The following SLC5A9 variants were observed in gnomAD, a reference collection of about 807,000 sequenced individuals.
The protein encoded by SLC5A9 is sodium/glucose cotransporter 4.
In SLC5A9, 59 loss-of-function variants were observed where a neutral mutation model predicts 70.9. The ratio of observed to expected loss-of-function variants is 0.83; its 90% CI spans 0.68 to 1.03. The LOEUF (loss-of-function observed/expected upper bound fraction) is 1.03, where lower values mean the gene tolerates loss of function less well. Ranked by LOEUF, SLC5A9 falls within the 50% of genes least tolerant of loss-of-function variation. The pLI is 0.00. For synonymous variants in SLC5A9, 340 were observed against 346.5 expected, an observed-to-expected ratio of 0.98 and a Z score of 0.21; for missense variants, 832 against 881.1, an observed-to-expected ratio of 0.94 and a Z score of 0.71.
Position 48,239,914 on chromosome 1 carries a change from G to T in SLC5A9, c.1677+377G>T, listed in dbSNP as rs1455228099. Among the ~76,000 whole-genome samples the T allele has an allele frequency of 1.3e-5, 2 of 152,200 alleles. No individual in the cohort carries two copies. Among genetic ancestry groups the T allele is most frequent in the African/African-American group, 4.8e-5 (2 of 41,446 alleles). On this transcript the variant is annotated intron_variant, in intron 12 of 13. Transcript: ENST00000438567. The surrounding 1 kb of genome is among the most constrained non-coding windows in gnomAD (Gnocchi z 4.2). Reference sequence around the variant, plus strand: ...GAGGGAGAGGCAGTCACCTCCTGGGGGCCCAGGGAGGGCACACTGATGAGG... The same window carrying T: ...GAGGGAGAGGCAGTCACCTCCTGGGTGCCCAGGGAGGGCACACTGATGAGG...
chr1:48,245,937 G>A (rs1264760691), intron 13 of SLC5A9, among the ~76,000 whole-genome samples: 10 of 151,396 alleles, frequency 6.6e-5, no homozygotes, highest in East Asian at 1.9e-4. Context: ...CTCCAGCCTG[G>A]GCAACAGAGT....
rs996580295 is a variant in SLC5A9 at position 48,237,938 on chromosome 1, C to T, written c.1461+91C>T. ...TGGTCTCTGTGACCTTGAGAAAATCCACTTCCCCTCTAGGCTTCCATTTTC... is the reference window on the plus strand; with the variant it reads ...TGGTCTCTGTGACCTTGAGAAAATCTACTTCCCCTCTAGGCTTCCATTTTC... On this transcript the variant is annotated intron_variant, in intron 11 of 13. Transcript: ENST00000438567. 4.5e-6 allele frequency: 6 copies of T among 1,346,882 alleles called. No homozygotes were observed. The African/African-American group carries it at 7.3e-5, about 16-fold the overall frequency. The allele number at this position is 1,346,882 out of a possible 1,614,324, so 83.4% of individuals were successfully genotyped here. A position where few individuals can be genotyped will look rare whatever the true frequency, so the allele number is the denominator to read the frequency against.
At chr1:48,223,230 A>G (rs1644097295) in intron 1 of SLC5A9, among the ~76,000 whole-genome samples, 1 of 152,030 alleles carries the variant, frequency 6.6e-6, no homozygotes, top group Non-Finnish European at 1.5e-5. Flanking sequence ...CAAGGCCCCC[A>G]ACTCTGAGAA....
Position 48,228,917 on chromosome 1 carries a change from C to A in SLC5A9, c.302C>A (p.Ala101Asp). The A allele has an allele frequency of 6.2e-7, 1 of 1,613,528 alleles. No individual in the cohort carries two copies. The highest frequency in any genetic ancestry group is 8.5e-7 in the Non-Finnish European group (1 of 1,180,000). Residue 101 changes from alanine to aspartate, a missense_variant, in exon 3 of 14, where the codon GCT (alanine) becomes GAT (aspartate). Coordinates refer to ENST00000438567, the MANE Select transcript of SLC5A9 (RefSeq NM_001011547.3). ...GLFIGLAGTG[A>D]AGGLAVGGFE... is the part of the protein sequence containing the mutation. ...TTCATCGGCCTGGCTGGGACAGGGG[C>A]TGCCGGAGGCCTTGCCGTAGGTGGC...
At chr1:48,246,016 G>A (rs541087247) in intron 13 of SLC5A9, among the ~76,000 whole-genome samples, 1 of 151,728 alleles carries the variant, frequency 6.6e-6, no homozygotes, top group Admixed American at 6.6e-5. Flanking sequence ...AATATTTAAA[G>A]GACAGCAGAG....
At position 48,248,192 on chromosome 1, in the gene SLC5A9, A is replaced by C. The variant is rs1644480457; in HGVS notation, c.*649A>C. 6.5e-6 allele frequency: 1 copy of C among 153,220 alleles called. No homozygotes were observed. 9.5% of individuals were successfully genotyped at this position (153,220 alleles called of 1,614,324 possible). ...CAATGGACTATCCAAAGCACTATTT[A>C]AATTCTGCCTCTTCCTACTCTCTAA... is the stretch of plus-strand genomic sequence containing the variant. On this transcript the variant is annotated 3_prime_UTR_variant, in exon 14 of 14. Transcript: ENST00000438567.
Position 48,230,723 on chromosome 1 carries a change from G to T in SLC5A9, c.610+18G>T. Reference sequence around the variant, plus strand: ...CATTGCAGGTAGGCAGAGGGAAGAGGGCAAGAGGAAAGCTTCTGACTGGCA... The same window carrying T: ...CATTGCAGGTAGGCAGAGGGAAGAGTGCAAGAGGAAAGCTTCTGACTGGCA... On this transcript the variant is annotated intron_variant, in intron 5 of 13. Coordinates refer to ENST00000438567, the MANE Select transcript of SLC5A9 (RefSeq NM_001011547.3). 1.3e-6 allele frequency: 2 copies of T among 1,588,898 alleles called. No homozygotes were observed. Among genetic ancestry groups the T allele is most frequent in the South Asian group, 1.1e-5 (1 of 90,460 alleles).
At chr1:48,229,051 G>A (rs1229835828) in intron 3 of SLC5A9, 97 bp downstream of exon 3, 7 of 1,613,778 alleles carry the variant, frequency 4.3e-6, no homozygotes, top group African/African-American at 1.3e-5. Context: ...ATGCCTGGGA[G>A]GCTACATGGT....
Position 48,232,355 on chromosome 1 carries a change from C to A in SLC5A9, c.898-12C>A. On this transcript the variant is annotated splice_polypyrimidine_tract_variant and intron_variant, in intron 7 of 13. Transcript: ENST00000438567. ...CTACCTGCGCTGCACTCCTCATTTG[C>A]TGCCCTTTCAGGTCATTGTGCAGCG... 6.2e-7 allele frequency: 1 copy of A among 1,613,828 alleles called. No individual in the cohort carries two copies.
chr1:48,235,621 T>A, intron 9 of SLC5A9, 108 bp from the exon 10 acceptor site: 1 of 1,349,644 alleles, frequency 7.4e-7, no homozygotes, highest in South Asian at 1.4e-5. Flanking sequence ...CCCTCTCTCA[T>A]CCCCACCCCC....
chr1:48,233,247 GC>G (rs1034277622), intron 8 of SLC5A9, among the ~76,000 whole-genome samples: 3 of 150,346 alleles, frequency 2.0e-5, no homozygotes, highest in Admixed American at 1.3e-4. Context: ...TGTAATCCCA[GC>G]TATTCAGGAG....
Position 48,237,836 on chromosome 1 carries a change from G to T in SLC5A9, c.1450G>T (p.Val484Phe). The change falls in exon 11 of 14, where the codon GTC becomes TTC. Residue 484 changes from valine to phenylalanine, a missense_variant. Physicochemically the swap from Val to Phe is conservative, Grantham distance 50. Coordinates refer to ENST00000438567, the MANE Select transcript of SLC5A9 (RefSeq NM_001011547.3). ...CCTGCTGGCCATCTTCTGCAAGAGG[G>T]TCACAGAGCCCGTGAGTGCAGTGTA... ...LFLLAIFCKRVTEPGAFWGLV... is the reference protein window; with the variant it reads ...LFLLAIFCKRFTEPGAFWGLV... 6.2e-7 allele frequency: 1 copy of T among 1,614,022 alleles called. No individual in the cohort carries two copies. The highest frequency in any genetic ancestry group is 8.5e-7 in the Non-Finnish European group (1 of 1,179,982).
chr1:48,234,000 C>G (rs1007291593), intron 9 of SLC5A9, among the ~76,000 whole-genome samples: 1 of 152,230 alleles, frequency 6.6e-6, no homozygotes, highest in African/African-American at 2.4e-5. Flanking sequence ...AGGCATCATG[C>G]GGTCTCCAGG....
rs770336986 is a variant in SLC5A9, at chr1:48,247,524, T to C, written c.2027T>C (p.Leu676Pro). 1 of 1,614,208 alleles carries C rather than the reference T, an allele frequency of 6.2e-7. No homozygotes were observed. The highest frequency in any genetic ancestry group is 1.1e-5 in the South Asian group (1 of 91,082). ...AVLLLAINIF[L>P]WGYFA ...CTTTTGCTGGCCATCAACATCTTCCTCTGGGGCTATTTTGCGTGATTCCAC... is the reference window on the plus strand; with the variant it reads ...CTTTTGCTGGCCATCAACATCTTCCCCTGGGGCTATTTTGCGTGATTCCAC... Residue 676 changes from leucine (L) to proline (P), a missense_variant, in exon 14 of 14, where the codon CTC becomes CCC. Coordinates refer to ENST00000438567, the MANE Select transcript of SLC5A9 (RefSeq NM_001011547.3).
At chr1:48,227,160 T>C (rs1388346014) in intron 2 of SLC5A9, among the ~76,000 whole-genome samples, 1 of 137,260 alleles carries the variant, frequency 7.3e-6, no homozygotes, top group Non-Finnish European at 1.6e-5. Context: ...TGAGTGTGTG[T>C]GTCAGAGTGT....
chr1:48,242,703 C>G, intron 13 of SLC5A9, 87 bp downstream of exon 13: 1 of 1,267,712 alleles, frequency 7.9e-7, no homozygotes. Flanking sequence ...GATGGGGACT[C>G]TGAGGGAGCC....
At chr1:48,234,747 C>T (rs138553175) in intron 9 of SLC5A9, among the ~76,000 whole-genome samples, 6 of 151,938 alleles carry the variant, frequency 3.9e-5, no homozygotes, top group Non-Finnish European at 7.4e-5. Context: ...GGAGTGAATC[C>T]GGGAAGTAGT....
chr1:48,233,574 T>C (rs1207327483), intron 8 of SLC5A9, 81 bp from the exon 9 acceptor site: 5 of 1,033,500 alleles, frequency 4.8e-6, no homozygotes, highest in Non-Finnish European at 7.5e-6. Flanking sequence ...AACATTATCC[T>C]GTAGTTTTGG....
At chr1:48,243,622 A>G (rs1255786498) in intron 13 of SLC5A9, among the ~76,000 whole-genome samples, 1 of 152,210 alleles carries the variant, frequency 6.6e-6, no homozygotes, top group Non-Finnish European at 1.5e-5. Flanking sequence ...TAAACTCTAT[A>G]AAGCTCTACC....
Sources: allele counts gnomAD v4.1 joint callset (sites outside exome capture counted in the v4.1 genomes callset), GRCh38; gene constraint gnomAD v4.1.1; non-coding constraint Gnocchi (gnomAD v3.1); transcripts MANE v1.5; gene names NCBI Gene and HGNC (gene_info 2026-07-23, HGNC 2026-07-21).